C11orf65: variants seen among roughly 807,000 people sequenced by gnomAD.
C11orf65 encodes protein MFI.
C11orf65 carries 38 observed loss-of-function variants against 35.3 expected under a neutral mutation model. The ratio of observed to expected loss-of-function variants is 1.08; its 90% CI spans 0.83 to 1.41. The LOEUF is 1.41. Ranked by LOEUF, C11orf65 falls within the 40% of genes most tolerant of loss-of-function variation. The pLI is 0.00. For missense variants in C11orf65, 370 were observed against 367.1 expected, an observed-to-expected ratio of 1.01 and a Z score of -0.06; for synonymous variants, 105 against 114.4, an observed-to-expected ratio of 0.92 and a Z score of 0.53.
At chr11:108,375,958 C>G (rs1309297578) in intron 2 of C11orf65, among the ~76,000 whole-genome samples, 3 of 152,090 alleles carry the variant, frequency 2.0e-5, no homozygotes, top group South Asian at 2.1e-4. Context: ...TATATGCAAC[C>G]AATACAGGAG....
At chr11:108,437,260 C>G (rs1236558185) in intron 2 of C11orf65, among the ~76,000 whole-genome samples, 1 of 152,032 alleles carries the variant, frequency 6.6e-6, no homozygotes, top group Non-Finnish European at 1.5e-5. Context: ...GCACTCCAGC[C>G]TGGGTGACAG....
rs986983313 is a variant in C11orf65 at position 108,363,088 on chromosome 11, G to A, written c.227-27796C>T. Among the ~76,000 whole-genome samples the A allele has an allele frequency of 2.6e-5, 4 of 152,108 alleles. No individual in the cohort carries two copies. The South Asian group carries it at 6.2e-4, about 24-fold the overall frequency. ...CGAATTTCCCCAAATCATTTGGTGTGATTGTTCCAATCTTCAAGAATAATT... is the reference window on the plus strand; with the variant it reads ...CGAATTTCCCCAAATCATTTGGTGTAATTGTTCCAATCTTCAAGAATAATT... On this transcript the variant is annotated intron_variant, in intron 2 of 3. Transcript: ENST00000524755.
rs550579084 is a variant in C11orf65, at chr11:108,444,197, C to T, written c.82-12359G>A. Among the ~76,000 whole-genome samples, 87 of 152,050 alleles carry T rather than the reference C, an allele frequency of 5.7e-4. 1 individual carries two copies. Among genetic ancestry groups the T allele is most frequent in the Admixed American group, 7.2e-4 (11 of 15,266 alleles). On this transcript the variant is annotated intron_variant, in intron 2 of 8. Coordinates refer to ENST00000393084, the MANE Select transcript of C11orf65 (RefSeq NM_152587.5). ...TCAGAGAATACTATAAACACCTCTA[C>T]GCAAATAAACTAGAAAATCTAGAAG...
intron 3 of C11orf65, among the ~76,000 whole-genome samples, chr11:108,416,125 T>C (rs896033726): frequency 6.6e-6 from 1 of 152,168 alleles, no homozygotes; most frequent in Non-Finnish European, 1.5e-5. Context: ...TAAAAAGTTG[T>C]ACTCAATGAA....
intron 2 of C11orf65, among the ~76,000 whole-genome samples, chr11:108,341,538 TTAA>T (rs1276297306): frequency 6.6e-6 from 1 of 152,144 alleles, no homozygotes; most frequent in Admixed American, 6.6e-5. Flanking sequence ...CAAATAAATG[TTAA>T]TAAATTAATC....
intron 2 of C11orf65, chr11:108,367,232 C>T: frequency 5.6e-6 from 1 of 178,936 alleles, no homozygotes; most frequent in Non-Finnish European, 1.2e-5. Context: ...CGTGATCCAC[C>T]CTCCTCGGCC....
intron 2 of C11orf65, among the ~76,000 whole-genome samples, chr11:108,440,766 T>G (rs1394450558): frequency 6.6e-6 from 1 of 152,186 alleles, no homozygotes; most frequent in Non-Finnish European, 1.5e-5. Flanking sequence ...GGTTCCAGAA[T>G]GTCATGTCCT....
downstream of C11orf65, chr11:108,329,437 C>T (rs1376159551): frequency 3.5e-6 from 2 of 575,082 alleles, no homozygotes; most frequent in South Asian, 4.1e-5. Context: ...GACAAGGTCT[C>T]ACTCTGTCAC....
At chr11:108,355,920 C>A (rs2137398366) in intron 2 of C11orf65, 1 of 152,298 alleles carries the variant, frequency 6.6e-6, no homozygotes, top group Non-Finnish European at 1.5e-5. Flanking sequence ...CTTTATAGAT[C>A]TCCTTTGGAC....
Position 108,393,274 on chromosome 11 carries a change from A to T in C11orf65, c.665T>A (p.Ile222Lys). 6.2e-7 allele frequency: 1 copy of T among 1,614,084 alleles called. No homozygotes were observed. Among genetic ancestry groups the T allele is most frequent in the Non-Finnish European group, 8.5e-7 (1 of 1,179,986 alleles). The change falls in exon 7 of 9, where the codon ATA (isoleucine) becomes AAA (lysine). Residue 222 changes from isoleucine to lysine, a missense_variant. Transcript: ENST00000393084. ...GLIRAFEDGGIDSVMEWEVDE... is the reference protein window; with the variant it reads ...GLIRAFEDGGKDSVMEWEVDE... Reference sequence around the variant, plus strand: ...CACTTCCCATTCCATCACAGAATCTATCCCCCCATCTTCAAAAGCTCTAAT... The same window carrying T: ...CACTTCCCATTCCATCACAGAATCTTTCCCCCCATCTTCAAAAGCTCTAAT...
rs558110659 is a variant in C11orf65, at chr11:108,354,425, C to T, written c.227-19133G>A. On this transcript the variant is annotated intron_variant, in intron 2 of 3. Transcript: ENST00000524755. ...TGTGTTCTAGTATAACATTGTGCTA[C>T]TAAAAAAGCTTTGCAGTTCCTTGTA... Among the ~76,000 whole-genome samples, 35 of 152,246 alleles carry T rather than the reference C, an allele frequency of 2.3e-4. No individual in the cohort carries two copies. In the South Asian group the frequency reaches 6.6e-3, roughly 29 times the overall value.
chr11:108,383,255 G>T, intron 8 of C11orf65, 80 bp from the exon 9 acceptor site: 1 of 1,173,070 alleles, frequency 8.5e-7, no homozygotes, highest in Non-Finnish European at 1.2e-6. Context: ...GTTGTGGTCT[G>T]TTCCACATTC....
chr11:108,418,978 T>A (rs942172536), intron 3 of C11orf65, among the ~76,000 whole-genome samples: 1 of 152,332 alleles, frequency 6.6e-6, no homozygotes, highest in Admixed American at 6.5e-5. Flanking sequence ...TAATTCTAAA[T>A]TGAATGTAAT....
At chr11:108,451,824 C>T (rs2093351674) in intron 2 of C11orf65, among the ~76,000 whole-genome samples, 1 of 152,148 alleles carries the variant, frequency 6.6e-6, no homozygotes, top group Admixed American at 6.6e-5. Flanking sequence ...ATCAATGGAA[C>T]AGAACAAAGT....
intron 2 of C11orf65, among the ~76,000 whole-genome samples, chr11:108,337,948 G>A (rs1376354330): frequency 6.6e-6 from 1 of 152,226 alleles, no homozygotes; most frequent in East Asian, 1.9e-4. Context: ...GCAAATGCCT[G>A]ACCTAGAATA....
intron 6 of C11orf65, among the ~76,000 whole-genome samples, chr11:108,399,793 C>CATA (rs2138539509): frequency 6.6e-6 from 1 of 152,306 alleles, no homozygotes; most frequent in East Asian, 1.9e-4. Context: ...AATCCCAGGT[C>CATA]AGTCCATGAT....
rs1480047145 is a variant in C11orf65, at chr11:108,406,970, A to G, written c.229-7T>C. On this transcript the variant is annotated splice_polypyrimidine_tract_variant and splice_region_variant and intron_variant, in intron 4 of 8. Transcript: ENST00000393084. ...TATCAGGTGGAAATTTAACCTGTAG[A>G]AGGAAAAGTTCAAAGAGCCATTGTA... is the stretch of plus-strand genomic sequence containing the variant. The G allele has an allele frequency of 6.3e-7, 1 of 1,598,256 alleles. No homozygotes were observed. The highest frequency in any genetic ancestry group is 8.6e-7 in the Non-Finnish European group (1 of 1,166,804).
intron 6 of C11orf65, among the ~76,000 whole-genome samples, chr11:108,311,391 A>G (rs890745365): frequency 6.6e-6 from 1 of 152,172 alleles, no homozygotes; most frequent in Admixed American, 6.5e-5. Context: ...AACTGTTCCT[A>G]GTTTAGTTAA....
intron 5 of C11orf65, 111 bp from the exon 6 acceptor site, chr11:108,405,670 C>A: frequency 9.2e-7 from 1 of 1,085,646 alleles, no homozygotes; most frequent in African/African-American, 1.6e-5. Context: ...AAGATAGAAA[C>A]AGAGGAGAGG....
Sources: gnomAD v4.1 joint callset for allele counts (sites outside exome capture counted in the v4.1 genomes callset) on GRCh38, gnomAD v4.1.1 for gene constraint, MANE v1.5 for transcripts, NCBI Gene and HGNC (gene_info 2026-07-23, HGNC 2026-07-21) for gene names.